FKBP15: variants seen among roughly 807,000 people sequenced by gnomAD.
The protein encoded by FKBP15 is FK506-binding protein 15.
In FKBP15, 106 loss-of-function variants were observed where a neutral mutation model predicts 158.1. The ratio of observed to expected loss-of-function variants is 0.67; its 90% CI spans 0.57 to 0.79. The LOEUF (loss-of-function observed/expected upper bound fraction) is 0.79, where lower values mean the gene tolerates loss of function less well. Among genes scored for constraint, FKBP15 ranks in the 30% least tolerant of loss-of-function variants. The pLI, the probability that FKBP15 is intolerant of heterozygous loss-of-function variation, is 0.00. For synonymous variants in FKBP15, 547 were observed against 548.6 expected, an observed-to-expected ratio of 1.00 and a Z score of 0.04; for missense variants, 1,287 against 1,479.1, an observed-to-expected ratio of 0.87 and a Z score of 2.13.
chr9:113,187,274 T>G, intron 14 of FKBP15: 1 of 158,854 alleles, frequency 6.3e-6, no homozygotes, highest in Non-Finnish European at 1.4e-5. Flanking sequence ...CCACCAAGTG[T>G]GTTGAGGCAG....
At chr9:113,179,145 T>C (rs1194600675) in intron 19 of FKBP15, among the ~76,000 whole-genome samples, 1 of 151,990 alleles carries the variant, frequency 6.6e-6, no homozygotes, top group East Asian at 1.9e-4. Context: ...TCCTCCCACC[T>C]CAGCCTCTGG....
In FKBP15 at chr9:113,161,546, T is replaced by A. The variant is rs748608051; in HGVS notation, c.*4532A>T. On this transcript the variant is annotated 3_prime_UTR_variant, in exon 28 of 28. Transcript: ENST00000238256. The stretch of plus-strand genomic sequence containing the variant: ...CGGTGTTGGTGCTCCTGCTTCTGGC[T>A]GTACTGTATGAAGGCATCAAGGTTG... The A allele has an allele frequency of 6.2e-7, 1 of 1,614,052 alleles. No individual in the cohort carries two copies. Among genetic ancestry groups the A allele is most frequent in the Non-Finnish European group, 8.5e-7 (1 of 1,179,904 alleles).
At position 113,184,497 on chromosome 9, in the gene FKBP15, T is replaced by A. The variant is rs1394901519; in HGVS notation, c.1609-98A>T. ...CCCTGTTGTTAAGGGGGTTAATGAG[T>A]TCCTGGGACAATCTCTAACTGTTAA... On this transcript the variant is annotated intron_variant, in intron 16 of 27. Transcript: ENST00000238256. The surrounding 1 kb of genome is among the most constrained non-coding windows in gnomAD (Gnocchi z 4.5). 3.0e-6 allele frequency: 3 copies of A among 1,013,462 alleles called. No individual in the cohort carries two copies. The Admixed American group carries it at 6.4e-5, about 22-fold the overall frequency. 62.8% of individuals were successfully genotyped at this position (1,013,462 alleles called of 1,614,324 possible).
In FKBP15 at chr9:113,198,903, G is replaced by A. The variant is rs377588392; in HGVS notation, c.669C>T (p.Asn223=). 50 of 1,604,522 alleles carry A rather than the reference G, an allele frequency of 3.1e-5. No homozygotes were observed. Among genetic ancestry groups the A allele is most frequent in the Non-Finnish European group, 3.5e-5 (41 of 1,175,196 alleles). Residue 223 remains asparagine, a synonymous_variant, in exon 8 of 28, where the codon AAC becomes AAT. Transcript: ENST00000238256. This position sits in a 1 kb window ranked among gnomAD's most constrained non-coding sequence, Gnocchi z 5.2. ...VLGQVFDSTA[N]KDKLLRLKLG... ...ACTTCAAGCGAAGCAACTTATCTTT[G>A]TTAGCAGTGGAGTCGAAAACCTGCA...
chr9:113,166,964 C>A (rs910160116), intron 27 of FKBP15, among the ~76,000 whole-genome samples: 3 of 152,220 alleles, frequency 2.0e-5, no homozygotes, highest in Non-Finnish European at 2.9e-5. Flanking sequence ...CAACCAGAAT[C>A]CATCTTCACA....
intron 2 of FKBP15, among the ~76,000 whole-genome samples, chr9:113,209,607 T>C (rs940697218): frequency 1.3e-5 from 2 of 152,254 alleles, no homozygotes; most frequent in Non-Finnish European, 2.9e-5. Context: ...CCTTGGTTCC[T>C]GACACACTGC....
At position 113,208,192 on chromosome 9, in the gene FKBP15, C is replaced by T. The variant is rs143456212; in HGVS notation, c.170-896G>A. 2.1e-3 allele frequency among the ~76,000 whole-genome samples: 318 copies of T among 152,100 alleles called. 1 individual carries two copies. The highest frequency in any genetic ancestry group is 7.0e-3 in the African/African-American group (292 of 41,484). On this transcript the variant is annotated intron_variant, in intron 2 of 27. Transcript: ENST00000238256. Reference sequence around the variant, plus strand: ...TCTCTACTAAAAATACAAAAATTAGCTGGGGGTGGTGGCGCGCACCTGTAG... The same window carrying T: ...TCTCTACTAAAAATACAAAAATTAGTTGGGGGTGGTGGCGCGCACCTGTAG...
At chr9:113,201,522 A>G (rs4979220) in intron 6 of FKBP15, among the ~76,000 whole-genome samples, 105,394 of 152,080 alleles carry the variant, frequency 0.69, 36,924 homozygotes, top group African/African-American at 0.75. Context: ...GCCTTTGGGA[A>G]GTAAGTAAGC....
chr9:113,183,930 G>T, intron 17 of FKBP15, 85 bp from the exon 18 acceptor site: 1 of 970,258 alleles, frequency 1.0e-6, no homozygotes, highest in Non-Finnish European at 1.6e-6. Flanking sequence ...ACTGACAGGT[G>T]ACATTGTTAA....
Position 113,182,766 on chromosome 9 carries a change from C to T in FKBP15, c.1914G>A (p.Lys638=). The T allele has an allele frequency of 1.2e-6, 2 of 1,613,404 alleles. No individual in the cohort carries two copies. The highest frequency in any genetic ancestry group is 1.7e-6 in the Non-Finnish European group (2 of 1,179,430). The change falls in exon 19 of 28, where the codon AAG becomes AAA. Residue 638 remains lysine (K), a splice_region_variant and synonymous_variant. Transcript: ENST00000238256. ...GCTTTTCTCTCCCCAGTTGCTTTAC[C>T]TTCTCTTGTTCAGCATGCAATACTC... ...QARVLHAEQE[K]AKVTEELAAA...
At position 113,178,713 on chromosome 9, in the gene FKBP15, T is replaced by C. The variant is rs1830340636; in HGVS notation, c.2003A>G (p.Glu668Gly). Residue 668 changes from glutamate (E) to glycine (G), a missense_variant, in exon 20 of 28, where the codon GAG (glutamate) becomes GGG (glycine). Physicochemically the swap from Glu to Gly is moderately conservative, Grantham distance 98. Coordinates refer to ENST00000238256, the MANE Select transcript of FKBP15 (RefSeq NM_015258.2). ...KMTAHQKKET[E>G]LQMQLTESLK... ...GCTTTCTGTCAGCTGCATCTGCAGCTCTGTTTCCTTTTTTTGGTGAGCAGT... is the reference window on the plus strand; with the variant it reads ...GCTTTCTGTCAGCTGCATCTGCAGCCCTGTTTCCTTTTTTTGGTGAGCAGT... 5.6e-6 allele frequency: 9 copies of C among 1,609,104 alleles called. No homozygotes were observed. The highest frequency in any genetic ancestry group is 7.6e-6 in the Non-Finnish European group (9 of 1,177,678).
chr9:113,199,931 G>T lies in FKBP15; in HGVS notation c.531C>A (p.Ser177=). 1.2e-6 allele frequency: 2 copies of T among 1,613,276 alleles called. No individual in the cohort carries two copies. Among genetic ancestry groups the T allele is most frequent in the East Asian group, 2.2e-5 (1 of 44,850 alleles). Residue 177 remains serine, a synonymous_variant, in exon 7 of 28, where the codon TCC becomes TCA. Transcript: ENST00000238256. ...VCIAKCNSTS[S]LDAVLSQDLI... ...GGTCCTGGGAGAGCACTGCATCCAG[G>T]GAAGAGGTACTGTTGCACTTAGCAA... is the stretch of plus-strand genomic sequence containing the variant.
intron 4 of FKBP15, among the ~76,000 whole-genome samples, chr9:113,205,350 A>G (rs1197878939): frequency 6.6e-6 from 1 of 152,244 alleles, no homozygotes; most frequent in African/African-American, 2.4e-5. Context: ...TTTAAAATGG[A>G]CAAAGGGCTT....
intron 1 of FKBP15, among the ~76,000 whole-genome samples, chr9:113,217,459 G>T (rs535587276): frequency 6.7e-6 from 1 of 149,960 alleles, no homozygotes; most frequent in African/African-American, 2.5e-5. Context: ...ATCCACCTGC[G>T]TTGGCCTCCC....
At position 113,189,689 on chromosome 9, in the gene FKBP15, C is replaced by T. The variant is rs1232484359; in HGVS notation, c.1173+782G>A. On this transcript the variant is annotated intron_variant, in intron 12 of 27. Coordinates refer to ENST00000238256, the MANE Select transcript of FKBP15 (RefSeq NM_015258.2). ...GAAAAAATTTTTTCAAGACCATCGC[C>T]CTTTCCTTGTTTTCTATCAAAGTAA... is the stretch of plus-strand genomic sequence containing the variant. Among the ~76,000 whole-genome samples the T allele has an allele frequency of 3.3e-5, 5 of 152,070 alleles. No homozygotes were observed. In the East Asian group the frequency reaches 9.6e-4, roughly 29 times the overall value.
chr9:113,178,269 G>C (rs1160487371), intron 20 of FKBP15, among the ~76,000 whole-genome samples: 2 of 152,130 alleles, frequency 1.3e-5, no homozygotes, highest in Non-Finnish European at 2.9e-5. Flanking sequence ...CATCTTCTAG[G>C]AAAGAAGAAA....
chr9:113,219,398 T>A (rs924737402), intron 1 of FKBP15, among the ~76,000 whole-genome samples: 2 of 152,220 alleles, frequency 1.3e-5, no homozygotes, highest in Admixed American at 6.5e-5. Flanking sequence ...ATGTTCTACT[T>A]CCTTAGAGAA....
chr9:113,163,052 A>G lies in FKBP15; in HGVS notation c.*3026T>C. On this transcript the variant is annotated 3_prime_UTR_variant, in exon 28 of 28. Coordinates refer to ENST00000238256, the MANE Select transcript of FKBP15 (RefSeq NM_015258.2). ...CCAGCCCCTGGAAACTTTGAGCTGAAGCCAGCACTTGCTCCCTGGAGTTCG... is the reference window on the plus strand; with the variant it reads ...CCAGCCCCTGGAAACTTTGAGCTGAGGCCAGCACTTGCTCCCTGGAGTTCG... 1.2e-6 allele frequency: 1 copy of G among 840,778 alleles called. No homozygotes were observed. The allele number at this position is 840,778 out of a possible 1,614,324, so 52.1% of individuals were successfully genotyped here.
chr9:113,211,761 A>T (rs906149335), intron 1 of FKBP15, among the ~76,000 whole-genome samples, 169 bp from the exon 2 acceptor site: 2 of 151,838 alleles, frequency 1.3e-5, no homozygotes, highest in South Asian at 2.1e-4. Flanking sequence ...TTAAAAAAAA[A>T]AATAAATAAA....
Sources: allele counts gnomAD v4.1 joint callset (sites outside exome capture counted in the v4.1 genomes callset), GRCh38; gene constraint gnomAD v4.1.1; non-coding constraint Gnocchi (gnomAD v3.1); transcripts MANE v1.5; gene names NCBI Gene and HGNC (gene_info 2026-07-23, HGNC 2026-07-21).